Variants in AP3B1 observed in about 807,000 individuals in gnomAD.
The protein encoded by AP3B1 is adaptor related protein complex 3 subunit beta 1.
A neutral mutation model predicts 132.5 loss-of-function variants in AP3B1; 61 were observed. The ratio of observed to expected loss-of-function variants is 0.46; its 90% confidence interval spans 0.37 to 0.57. The LOEUF is 0.57. AP3B1 is among the 20% of genes least tolerant of loss of function. The pLI, the probability that AP3B1 is intolerant of heterozygous loss-of-function variation, is 0.00. For missense variants in AP3B1, 1,120 were observed against 1,289.4 expected (o/e 0.87, Z 2.01); for synonymous variants, 388 against 438.3 (o/e 0.89, Z 1.43).
chr5:78,161,658 T>G (rs564558725), intron 13 of AP3B1, among the ~76,000 whole-genome samples: 4 of 152,140 alleles, frequency 2.6e-5, no homozygotes, highest in African/African-American at 9.6e-5. Flanking sequence ...AAAAAAAATT[T>G]TAAACCTATC....
chr5:78,105,154 T>C (rs1751283102), intron 20 of AP3B1, among the ~76,000 whole-genome samples: 1 of 152,198 alleles, frequency 6.6e-6, no homozygotes, highest in African/African-American at 2.4e-5. Flanking sequence ...ATTACAATCA[T>C]AATTTAAAGT....
At chr5:78,003,703 T>G (rs1235654165) in intron 26 of AP3B1, among the ~76,000 whole-genome samples, 1 of 152,220 alleles carries the variant, frequency 6.6e-6, no homozygotes, top group Non-Finnish European at 1.5e-5. Flanking sequence ...TCTTTCTTTC[T>G]GTAGAGTGTA....
At chr5:78,196,976 G>C (rs78877792) in intron 7 of AP3B1, among the ~76,000 whole-genome samples, 1 of 152,028 alleles carries the variant, frequency 6.6e-6, no homozygotes, top group Admixed American at 6.6e-5. Flanking sequence ...GACAAAATCC[G>C]AAGAATGTAC....
intron 15 of AP3B1, 54 bp from the exon 16 acceptor site, chr5:78,129,361 AAC>A: frequency 7.2e-7 from 1 of 1,380,560 alleles, no homozygotes; most frequent in Non-Finnish European, 1.0e-6. Context: ...GATTATCGAT[AAC>A]TCTGGATAAA....
At chr5:78,192,549 G>A (rs1580467354) in intron 7 of AP3B1, among the ~76,000 whole-genome samples, 1 of 152,168 alleles carries the variant, frequency 6.6e-6, no homozygotes, top group Non-Finnish European at 1.5e-5. Context: ...GGCTGAGGTA[G>A]AAGAATCACT....
At chr5:78,249,529 A>AG (rs144093889) in intron 2 of AP3B1, among the ~76,000 whole-genome samples, 3,715 of 150,436 alleles carry the variant, frequency 0.025, 158 homozygotes, top group African/African-American at 0.083. Context: ...CAAAACTCCA[A>AG]GGCTCTGTTC....
chr5:78,249,742 C>T (rs558073465), intron 2 of AP3B1, among the ~76,000 whole-genome samples: 2 of 152,084 alleles, frequency 1.3e-5, no homozygotes, highest in South Asian at 4.2e-4. Context: ...CTCCACCATA[C>T]CTGGCTGATT....
intron 1 of AP3B1, among the ~76,000 whole-genome samples, chr5:78,274,922 T>A (rs76793763): frequency 0.05 from 6,712 of 135,154 alleles, 185 homozygotes; most frequent in East Asian, 0.15. Context: ...ATCTTTTTTT[T>A]AAAAAAAAAG....
At chr5:78,257,452 T>A (rs10050701) in intron 2 of AP3B1, among the ~76,000 whole-genome samples, 37,229 of 151,964 alleles carry the variant, frequency 0.24, 5,144 homozygotes, top group Middle Eastern at 0.32. Flanking sequence ...ACCCAGGAAT[T>A]AACTTAACCA....
rs754752344 is a variant in AP3B1, at chr5:78,227,509, T to C, written c.399A>G (p.Ala133=). The C allele has an allele frequency of 1.9e-6, 3 of 1,613,644 alleles. No individual in the cohort carries two copies. In the South Asian group the frequency reaches 3.3e-5, roughly 18 times the overall value. Residue 133 remains alanine (A), a synonymous_variant, in exon 5 of 27, where the codon GCA becomes GCG. Transcript: ENST00000255194. ...TACTTGACAGAACTCTCAAAGCGCT[T>C]GCACGAATTAGTTGGTTTGGGTCCT... is the stretch of plus-strand genomic sequence containing the variant. ...ALKDPNQLIR[A]SALRVLSSIR...
At chr5:78,059,697 A>G (rs1403153704) in intron 22 of AP3B1, among the ~76,000 whole-genome samples, 16 of 152,168 alleles carry the variant, frequency 1.1e-4, no homozygotes, top group Admixed American at 1.0e-3. Context: ...TATGCTTTCA[A>G]TAAGCGCCAT....
intron 23 of AP3B1, 111 bp downstream of exon 23, chr5:78,038,931 AC>A (rs1747924832): frequency 4.4e-6 from 3 of 680,556 alleles, no homozygotes; most frequent in African/African-American, 1.8e-5. Flanking sequence ...AATTGTCAAT[AC>A]AATCATATTC....
At chr5:78,021,016 C>T (rs770490934) in intron 24 of AP3B1, among the ~76,000 whole-genome samples, 9 of 151,824 alleles carry the variant, frequency 5.9e-5, no homozygotes, top group Non-Finnish European at 1.2e-4. Flanking sequence ...AACAAAACTA[C>T]ACAGGTATAG....
chr5:78,003,181 T>C, intron 26 of AP3B1, 126 bp from the exon 27 acceptor site: 1 of 1,133,798 alleles, frequency 8.8e-7, no homozygotes, highest in Admixed American at 2.4e-5. Flanking sequence ...GGCTCCCTAT[T>C]GCCAAAAACC....
At chr5:78,055,914 C>T (rs252787) in intron 22 of AP3B1, among the ~76,000 whole-genome samples, 37,977 of 152,004 alleles carry the variant, frequency 0.25, 5,279 homozygotes, top group Admixed American at 0.39. Flanking sequence ...CATAAGCATA[C>T]ATCATAAGGC....
In AP3B1 at chr5:78,175,695, C is replaced by G. The variant is rs746308199; in HGVS notation, c.1098G>C (p.Gly366=). 1.2e-6 allele frequency: 2 copies of G among 1,613,096 alleles called. No individual in the cohort carries two copies. Among genetic ancestry groups the G allele is most frequent in the Non-Finnish European group, 1.7e-6 (2 of 1,179,290 alleles). The part of the protein sequence containing the change: ...NIATMSIQRK[G]MFEPYLKSFY... ...AACTCTTCAGATAAGGTTCAAACAT[C>G]CCCTGGATTACAAAAATAAATACAA... is the stretch of plus-strand genomic sequence containing the variant. Residue 366 remains glycine (G), a splice_region_variant and synonymous_variant, in exon 11 of 27, where the codon GGG becomes GGC. Coordinates refer to ENST00000255194, the MANE Select transcript of AP3B1 (RefSeq NM_003664.5).
At chr5:78,292,874 CT>C (rs1749591638) in intron 1 of AP3B1, among the ~76,000 whole-genome samples, 2 of 151,236 alleles carry the variant, frequency 1.3e-5, no homozygotes, top group Admixed American at 1.3e-4. Flanking sequence ...TGACAAAAAT[CT>C]TTTTCTTTTT....
intron 4 of AP3B1, among the ~76,000 whole-genome samples, 163 bp downstream of exon 4, chr5:78,227,981 T>C (rs1052143118): frequency 4.6e-5 from 7 of 152,218 alleles, no homozygotes; most frequent in Non-Finnish European, 4.4e-5. Flanking sequence ...GTTGGTTGTA[T>C]AAATTATTTT....
chr5:78,255,066 C>T (rs1269486375), intron 2 of AP3B1, among the ~76,000 whole-genome samples: 5 of 151,944 alleles, frequency 3.3e-5, no homozygotes, highest in Non-Finnish European at 5.9e-5. Flanking sequence ...TTGCAAGCCT[C>T]ATGGTAACCT....
Sources: gnomAD v4.1 joint callset for allele counts (sites outside exome capture counted in the v4.1 genomes callset) on GRCh38, gnomAD v4.1.1 for gene constraint, MANE v1.5 for transcripts, NCBI Gene and HGNC (gene_info 2026-07-23, HGNC 2026-07-21) for gene names.